PCDHGB2: variants seen among roughly 807,000 people sequenced by gnomAD.
PCDHGB2 encodes the protein protocadherin gamma subfamily B, 2.
A neutral mutation model predicts 59.3 loss-of-function variants in PCDHGB2; 55 were observed. The ratio of observed to expected loss-of-function variants is 0.93; its 90% CI spans 0.75 to 1.16. The LOEUF (loss-of-function observed/expected upper bound fraction) is 1.16, where lower values mean the gene tolerates loss of function less well. Ranked by LOEUF, PCDHGB2 falls within the 50% of genes most tolerant of loss-of-function variation. The probability of loss-of-function intolerance (pLI) is 0.00; values close to 1 mark genes in which losing one functional copy is unlikely to be tolerated. For missense variants in PCDHGB2, 1,228 were observed against 1,198.5 expected (o/e 1.02, Z -0.36); for synonymous variants, 516 against 512.0 (o/e 1.01, Z -0.11).
At chr5:141,415,259 T>C (rs778452630) in intron 1 of PCDHGB2, 1 of 1,614,108 alleles carries the variant, frequency 6.2e-7, no homozygotes, top group Non-Finnish European at 8.5e-7. Flanking sequence ...GACCTCACTC[T>C]GTACCTGGTG....
At position 141,491,658 on chromosome 5, in the gene PCDHGB2, C is replaced by A; in HGVS notation, c.2422-3149C>A. 1 of 1,613,822 alleles carries A rather than the reference C, an allele frequency of 6.2e-7. No homozygotes were observed. The highest frequency in any genetic ancestry group is 8.5e-7 in the Non-Finnish European group (1 of 1,180,016). On this transcript the variant is annotated intron_variant, in intron 1 of 3. Coordinates refer to ENST00000522605, the MANE Select transcript of PCDHGB2 (RefSeq NM_018923.3). The surrounding 1 kb of genome is among the most constrained non-coding windows in gnomAD (Gnocchi z 6.9). ...CCACAGCTCTGGCGCTGGAGCCTGA[C>A]GCCATCCGGTCCCGCTCTAATACGC... is the stretch of plus-strand genomic sequence containing the variant.
intron 1 of PCDHGB2, among the ~76,000 whole-genome samples, chr5:141,438,613 TATATATATATATATATATATATACAC>T (rs1192023297): frequency 0.026 from 946 of 36,486 alleles, 27 homozygotes; most frequent in African/African-American, 0.12. Flanking sequence ...TATATATATA[TATATATATATATATATATATATACAC>T]ACACACACAC....
intron 1 of PCDHGB2, chr5:141,399,034 C>T: frequency 6.2e-7 from 1 of 1,613,796 alleles, no homozygotes; most frequent in Non-Finnish European, 8.5e-7. Context: ...TCAAAAGAAA[C>T]TGGATTTTGA....
At position 141,361,549 on chromosome 5, in the gene PCDHGB2, G is replaced by A. The variant is rs1366415460; in HGVS notation, c.1414G>A (p.Ala472Thr). ...GAACAATCCTCCTGGCGCCTCTATC[G>A]CTCAAATCAGTGCCTCTGACCCTGA... ...AENNPPGASIAQISASDPDLG... is the reference protein window; with the variant it reads ...AENNPPGASITQISASDPDLG... Residue 472 changes from alanine to threonine, a missense_variant, in exon 1 of 4, where the codon GCT becomes ACT. By Grantham distance (58) the Ala-to-Thr change is moderately conservative. Coordinates refer to ENST00000522605, the MANE Select transcript of PCDHGB2 (RefSeq NM_018923.3). 3 of 1,613,918 alleles carry A rather than the reference G, an allele frequency of 1.9e-6. No homozygotes were observed. The highest frequency in any genetic ancestry group is 4.5e-5 in the East Asian group (2 of 44,890).
At chr5:141,505,106 G>A (rs934779049) in intron 2 of PCDHGB2, among the ~76,000 whole-genome samples, 1 of 152,188 alleles carries the variant, frequency 6.6e-6, no homozygotes, top group Non-Finnish European at 1.5e-5. Context: ...ATGTTGCAAT[G>A]AGCCAAGATC....
rs1271891195 is a variant in PCDHGB2, at chr5:141,477,108, C to A, written c.2422-17699C>A. The A allele has an allele frequency of 2.5e-6, 4 of 1,614,232 alleles. No individual in the cohort carries two copies. Among genetic ancestry groups the A allele is most frequent in the Non-Finnish European group, 2.5e-6 (3 of 1,180,046 alleles). ...CAGGCCAAAGACAAGGGCGCCAATCCCGAAGGAGCACATTGCAAAGTGTTG... is the reference window on the plus strand; with the variant it reads ...CAGGCCAAAGACAAGGGCGCCAATCACGAAGGAGCACATTGCAAAGTGTTG... On this transcript the variant is annotated intron_variant, in intron 1 of 3. Coordinates refer to ENST00000522605, the MANE Select transcript of PCDHGB2 (RefSeq NM_018923.3). The surrounding 1 kb of genome is among the most constrained non-coding windows in gnomAD (Gnocchi z 4.9).
At position 141,486,455 on chromosome 5, in the gene PCDHGB2, T is replaced by G; in HGVS notation, c.2422-8352T>G. On this transcript the variant is annotated intron_variant, in intron 1 of 3. Transcript: ENST00000522605. This position sits in a 1 kb window ranked among gnomAD's most constrained non-coding sequence, Gnocchi z 5.0. Reference sequence around the variant, plus strand: ...TAGCTATGACATCATGGTCACTGCTTCTGATGCTGGGAACCCTCCTCTCAG... The same window carrying G: ...TAGCTATGACATCATGGTCACTGCTGCTGATGCTGGGAACCCTCCTCTCAG... 6.2e-7 allele frequency: 1 copy of G among 1,614,066 alleles called. No homozygotes were observed. Among genetic ancestry groups the G allele is most frequent in the Non-Finnish European group, 8.5e-7 (1 of 1,179,892 alleles).
chr5:141,423,757 G>GGC, intron 1 of PCDHGB2: 1 of 395,122 alleles, frequency 2.5e-6, no homozygotes, highest in East Asian at 1.5e-4. Context: ...GTTTGGGGGG[G>GGC]GGGTGGGGCG....
chr5:141,371,112 C>T (rs756319459), intron 1 of PCDHGB2: 1 of 1,613,922 alleles, frequency 6.2e-7, no homozygotes, highest in Non-Finnish European at 8.5e-7. Flanking sequence ...TGATAACCCC[C>T]CAGTATTTAC....
Position 141,485,411 on chromosome 5 carries a change from G to C in PCDHGB2, c.2422-9396G>C, listed in dbSNP as rs1412397411. On this transcript the variant is annotated intron_variant, in intron 1 of 3. Coordinates refer to ENST00000522605, the MANE Select transcript of PCDHGB2 (RefSeq NM_018923.3). This position sits in a 1 kb window ranked among gnomAD's most constrained non-coding sequence, Gnocchi z 5.7. The stretch of plus-strand genomic sequence containing the variant: ...CCAAAGACACTTCCGTGTGGATTTG[G>C]ACAGCGGAGCCCTGCTCATCAAGAA... The C allele has an allele frequency of 2.5e-6, 4 of 1,614,054 alleles. No homozygotes were observed. Among genetic ancestry groups the C allele is most frequent in the Non-Finnish European group, 3.4e-6 (4 of 1,180,044 alleles).
Position 141,360,672 on chromosome 5 carries a change from T to G in PCDHGB2, c.537T>G (p.Asp179Glu), listed in dbSNP as rs1209548747. 6.2e-7 allele frequency: 1 copy of G among 1,614,002 alleles called. No homozygotes were observed. The highest frequency in any genetic ancestry group is 2.2e-5 in the East Asian group (1 of 44,878). Residue 179 changes from aspartate (D) to glutamate (E), a missense_variant, in exon 1 of 4, where the codon GAT becomes GAG. By Grantham distance (45) the Asp-to-Glu change is conservative. Transcript: ENST00000522605. ...RYHLNDNEYF[D>E]LAEKQTPDGR... The stretch of plus-strand genomic sequence containing the variant: ...ACCTTAATGACAACGAGTACTTTGA[T>G]CTCGCTGAGAAACAGACTCCAGATG...
At chr5:141,410,762 T>C in intron 1 of PCDHGB2, 1 of 1,171,656 alleles carries the variant, frequency 8.5e-7, no homozygotes, top group Non-Finnish European at 1.2e-6. Flanking sequence ...GTTTTTTCAA[T>C]TATAGTTTTC....
intron 1 of PCDHGB2, chr5:141,399,761 G>C: frequency 1.2e-6 from 2 of 1,613,356 alleles, no homozygotes; most frequent in Non-Finnish European, 1.7e-6. Flanking sequence ...GTGAGCCTGC[G>C]CGTGTTGGTG....
chr5:141,390,016 T>G (rs768656280), intron 1 of PCDHGB2: 2 of 1,613,978 alleles, frequency 1.2e-6, no homozygotes, highest in East Asian at 4.5e-5. Context: ...GCCATTGCCT[T>G]GCGCCTGCGA....
Position 141,485,036 on chromosome 5 carries a change from C to A in PCDHGB2, c.2422-9771C>A. ...CGCCACCAGCAAAAACGGCGCGTAA[C>A]CCTTGCGGCGCCGGCCGAACCGCGC... On this transcript the variant is annotated intron_variant, in intron 1 of 3. Coordinates refer to ENST00000522605, the MANE Select transcript of PCDHGB2 (RefSeq NM_018923.3). The surrounding 1 kb of genome is among the most constrained non-coding windows in gnomAD (Gnocchi z 5.7). 1 of 698,458 alleles carries A rather than the reference C, an allele frequency of 1.4e-6. No individual in the cohort carries two copies. The highest frequency in any genetic ancestry group is 2.5e-6 in the Non-Finnish European group (1 of 399,316). The allele number at this position is 698,458 out of a possible 1,614,324, so 43.3% of individuals were successfully genotyped here. A position where few individuals can be genotyped will look rare whatever the true frequency, so the allele number is the denominator to read the frequency against.
intron 1 of PCDHGB2, among the ~76,000 whole-genome samples, chr5:141,492,824 C>T (rs1027583244): frequency 4.6e-5 from 7 of 152,236 alleles, no homozygotes. Context: ...ACCAGCGGCC[C>T]CTTCCTCCCG....
intron 1 of PCDHGB2, chr5:141,415,756 T>G (rs756759295): frequency 1.5e-4 from 214 of 1,386,812 alleles, no homozygotes; most frequent in African/African-American, 5.9e-4. Flanking sequence ...TTTTTTTTTT[T>G]TTTTTTTTTT....
chr5:141,487,889 T>C lies in PCDHGB2; in HGVS notation c.2422-6918T>C, dbSNP rs984668596. On this transcript the variant is annotated intron_variant, in intron 1 of 3. Transcript: ENST00000522605. The surrounding 1 kb of genome is among the most constrained non-coding windows in gnomAD (Gnocchi z 5.0). ...CAAGAGCCAGGCTGTTGTGGAAGCA[T>C]GATGATGGAATGTGGGAGCACAGGA... 6.7e-6 allele frequency: 5 copies of C among 747,180 alleles called. No homozygotes were observed. The highest frequency in any genetic ancestry group is 1.1e-5 in the Non-Finnish European group (5 of 464,054). The allele number at this position is 747,180 out of a possible 1,614,324, so 46.3% of individuals were successfully genotyped here. A position where few individuals can be genotyped will look rare whatever the true frequency, so the allele number is the denominator to read the frequency against.
At chr5:141,475,955 C>G (rs1562050812) in intron 1 of PCDHGB2, 8 of 800,218 alleles carry the variant, frequency 1.0e-5, no homozygotes, top group South Asian at 1.9e-5. Flanking sequence ...TTCTGCGCCC[C>G]GGGATGAGGC....
Sources: gnomAD v4.1 joint callset for allele counts (sites outside exome capture counted in the v4.1 genomes callset) on GRCh38, gnomAD v4.1.1 for gene constraint, Gnocchi (gnomAD v3.1) non-coding constraint, MANE v1.5 for transcripts, NCBI Gene and HGNC (gene_info 2026-07-23, HGNC 2026-07-21) for gene names.